Variants in DLGAP1 observed in about 807,000 individuals in gnomAD.
DLGAP1 encodes DLG associated protein 1, also known as disks large-associated protein 1.
DLGAP1 carries 11 observed loss-of-function variants against 90.8 expected under a neutral mutation model. That is an observed-to-expected ratio of 0.12 (90% CI 0.08 to 0.20). DLGAP1 has a LOEUF of 0.20. DLGAP1 is among the 10% of genes least tolerant of loss of function. DLGAP1 has a pLI of 1.00. For missense variants in DLGAP1, 1,050 were observed against 1,333.8 expected (o/e 0.79, Z 3.31); for synonymous variants, 558 against 540.7 (o/e 1.03, Z -0.44).
In DLGAP1 at chr18:4,140,129, A is replaced by C. The variant is rs569495007; in HGVS notation, c.-159+11051T>G. ...TGTTATTATTGATAAGTAAGGACTT[A>C]CTCTTGCCATTTTGTTACCTGTGTT... is the stretch of plus-strand genomic sequence containing the variant. On this transcript the variant is annotated intron_variant, in intron 2 of 12. Coordinates refer to ENST00000315677, the MANE Select transcript of DLGAP1 (RefSeq NM_004746.4). Among the ~76,000 whole-genome samples, 5 of 151,580 alleles carry C rather than the reference A, an allele frequency of 3.3e-5. No individual in the cohort carries two copies. In the South Asian group the frequency reaches 1.0e-3, roughly 32 times the overall value.
In DLGAP1 at chr18:3,672,614, A is replaced by C. The variant is rs1317706285; in HGVS notation, c.1591+56521T>G. 2.5e-5 allele frequency among the ~76,000 whole-genome samples: 3 copies of C among 120,054 alleles called. 1 individual carries two copies. In the South Asian group the frequency reaches 6.6e-4, roughly 26 times the overall value. 78.8% of individuals were successfully genotyped at this position (120,054 alleles called of 152,430 possible). A position where few individuals can be genotyped will look rare whatever the true frequency, so the allele number is the denominator to read the frequency against. On this transcript the variant is annotated intron_variant, in intron 7 of 12. Transcript: ENST00000315677. Reference sequence around the variant, plus strand: ...AAAAAAAAAAAAAAAAAAAAAGTTAATGAGAAACAGGTAGATAAACCCAGG... The same window carrying C: ...AAAAAAAAAAAAAAAAAAAAAGTTACTGAGAAACAGGTAGATAAACCCAGG...
At chr18:3,808,246 CTTA>C (rs2066661303) in intron 5 of DLGAP1, among the ~76,000 whole-genome samples, 2 of 151,638 alleles carry the variant, frequency 1.3e-5, no homozygotes, top group Admixed American at 1.3e-4. Context: ...TGTCGCGTTT[CTTA>C]TTATATTGGA....
chr18:3,544,481 C>T (rs1330998455), intron 9 of DLGAP1, among the ~76,000 whole-genome samples: 1 of 151,956 alleles, frequency 6.6e-6, no homozygotes, highest in Non-Finnish European at 1.5e-5. Flanking sequence ...TCTATTTTCC[C>T]TTTTGATTTT....
intron 2 of DLGAP1, among the ~76,000 whole-genome samples, chr18:4,064,814 G>A (rs1437870311): frequency 6.6e-6 from 1 of 151,750 alleles, no homozygotes. Context: ...AAATTAATAA[G>A]GAGGGATCCT....
In DLGAP1 at chr18:3,600,685, G is replaced by GCTATAT. The variant is rs1568276670; in HGVS notation, c.1592-18438_1592-18437insATATAG. Reference sequence around the variant, plus strand: ...CTATAGAGATCTATAGATATCTATAGAGATCTATATAGATATCTATAGCTA... The same window carrying GCTATAT: ...CTATAGAGATCTATAGATATCTATAGCTATATAGATCTATATAGATATCTATAGCTA... On this transcript the variant is annotated intron_variant, in intron 7 of 12. Transcript: ENST00000315677. Among the ~76,000 whole-genome samples, 8 of 130,108 alleles carry GCTATAT rather than the reference G, an allele frequency of 6.1e-5. 1 individual carries two copies. Among genetic ancestry groups the GCTATAT allele is most frequent in the East Asian group, 2.1e-4 (1 of 4,838 alleles). 85.4% of individuals were successfully genotyped at this position (130,108 alleles called of 152,430 possible). A position where few individuals can be genotyped will look rare whatever the true frequency, so the allele number is the denominator to read the frequency against.
chr18:4,110,469 A>C (rs933094205), intron 2 of DLGAP1, among the ~76,000 whole-genome samples: 1 of 152,224 alleles, frequency 6.6e-6, no homozygotes, highest in African/African-American at 2.4e-5. Context: ...TATAGAATTA[A>C]GCTTAACAAA....
intron 5 of DLGAP1, among the ~76,000 whole-genome samples, chr18:3,765,274 G>A (rs2064177789): frequency 6.6e-6 from 1 of 150,900 alleles, no homozygotes; most frequent in South Asian, 2.1e-4. Flanking sequence ...GGAACTACAG[G>A]CGCCCGCCAC....
At chr18:4,337,439 C>A (rs531715021) in intron 1 of DLGAP1, among the ~76,000 whole-genome samples, 1 of 152,084 alleles carries the variant, frequency 6.6e-6, no homozygotes, top group East Asian at 1.9e-4. Context: ...GATTCACCTG[C>A]CTCAGCCTTT....
chr18:4,085,581 A>G (rs967244128), intron 2 of DLGAP1, among the ~76,000 whole-genome samples: 1 of 152,194 alleles, frequency 6.6e-6, no homozygotes, highest in Non-Finnish European at 1.5e-5. Flanking sequence ...ATACTTTGAG[A>G]GCAAAACCTT....
chr18:3,635,511 C>T (rs1054451599), intron 7 of DLGAP1, among the ~76,000 whole-genome samples: 4 of 151,404 alleles, frequency 2.6e-5, no homozygotes, highest in South Asian at 2.1e-4. Context: ...ATTCTTGCAG[C>T]AGTGGGTGTG....
At chr18:4,164,136 C>T (rs868053304) in intron 1 of DLGAP1, among the ~76,000 whole-genome samples, 14 of 152,094 alleles carry the variant, frequency 9.2e-5, no homozygotes, top group African/African-American at 3.1e-4. Context: ...AGGCCAGAAC[C>T]TGCACGCTAA....
chr18:3,531,629 C>T (rs1472461251), intron 10 of DLGAP1, among the ~76,000 whole-genome samples: 1 of 150,986 alleles, frequency 6.6e-6, no homozygotes, highest in Non-Finnish European at 1.5e-5. Context: ...ATCACAGGGG[C>T]CAATCTCCAC....
intron 1 of DLGAP1, among the ~76,000 whole-genome samples, chr18:4,164,173 A>G (rs1418155487): frequency 6.6e-6 from 1 of 152,186 alleles, no homozygotes. Flanking sequence ...CCTCACTAAA[A>G]TCAAAGATTT....
intron 1 of DLGAP1, among the ~76,000 whole-genome samples, chr18:4,165,094 A>G (rs1335843776): frequency 6.6e-6 from 1 of 152,192 alleles, no homozygotes; most frequent in Non-Finnish European, 1.5e-5. Flanking sequence ...ATAATGATTG[A>G]ACACTTCCCA....
chr18:3,905,967 T>C (rs777543143), intron 3 of DLGAP1, among the ~76,000 whole-genome samples: 4 of 152,156 alleles, frequency 2.6e-5, no homozygotes, highest in African/African-American at 4.8e-5. Flanking sequence ...CCTCTAGCCA[T>C]TGCTTGAAAT....
Position 3,551,581 on chromosome 18 carries a change from TTTTC to T in DLGAP1, c.2057+15905_2057+15908del, listed in dbSNP as rs200568305. Among the ~76,000 whole-genome samples the T allele has an allele frequency of 3.5e-4, 44 of 124,378 alleles. 1 individual carries two copies. Among genetic ancestry groups the T allele is most frequent in the East Asian group, 1.2e-3 (4 of 3,328 alleles). 81.6% of individuals were successfully genotyped at this position (124,378 alleles called of 152,430 possible). A position where few individuals can be genotyped will look rare whatever the true frequency, so the allele number is the denominator to read the frequency against. ...ACTATTATTTCTATGAACACTTTTC[TTTTC>T]TTTCTTTCTTTTTCTTTTTCTTTCT... is the stretch of plus-strand genomic sequence containing the variant. On this transcript the variant is annotated intron_variant, in intron 9 of 12. Transcript: ENST00000315677.
chr18:3,655,454 C>T (rs2059449747), intron 7 of DLGAP1: 1 of 152,164 alleles, frequency 6.6e-6, no homozygotes, highest in African/African-American at 2.4e-5. Flanking sequence ...CTCTTTTGTA[C>T]TTTCCTTAAA....
intron 7 of DLGAP1, among the ~76,000 whole-genome samples, chr18:3,634,245 T>C (rs2058619560): frequency 6.6e-6 from 1 of 152,162 alleles, no homozygotes; most frequent in Non-Finnish European, 1.5e-5. Context: ...GTATACTTTT[T>C]TTGCATATAT....
chr18:3,947,512 C>A (rs1166832875), intron 3 of DLGAP1, among the ~76,000 whole-genome samples: 1 of 152,248 alleles, frequency 6.6e-6, no homozygotes, highest in Admixed American at 6.5e-5. Flanking sequence ...CAACCACTCA[C>A]TTAGTCCCAG....
Sources: allele counts gnomAD v4.1 joint callset (sites outside exome capture counted in the v4.1 genomes callset), GRCh38; gene constraint gnomAD v4.1.1; transcripts MANE v1.5; gene names NCBI Gene and HGNC (gene_info 2026-07-23, HGNC 2026-07-21).